Variants in DNAH11 observed in about 807,000 individuals in gnomAD.
The protein encoded by DNAH11 is dynein axonemal heavy chain 11, also known as axonemal beta dynein heavy chain 11.
A neutral mutation model predicts 526.0 loss-of-function variants in DNAH11; 442 were observed. The ratio of observed to expected loss-of-function variants is 0.84; its 90% CI spans 0.78 to 0.91. DNAH11 has a LOEUF of 0.91. DNAH11 is among the 40% of genes least tolerant of loss of function. DNAH11 has a pLI of 0.00. For synonymous variants in DNAH11, 2,461 were observed against 1,935.9 expected, an observed-to-expected ratio of 1.27 and a Z score of -7.12; for missense variants, 6,989 against 5,448.7, an observed-to-expected ratio of 1.28 and a Z score of -8.90.
intron 39 of DNAH11, 31 bp downstream of exon 39, chr7:21,705,568 A>G (rs1238717550): frequency 1.3e-5 from 21 of 1,601,188 alleles, no homozygotes; most frequent in East Asian, 2.2e-5. Context: ...GCTTACAGCT[A>G]TGGAAAGAAC....
At chr7:21,658,771 T>A (rs1301057912) in intron 29 of DNAH11, 27 bp from the exon 30 acceptor site, 1 of 1,525,998 alleles carries the variant, frequency 6.6e-7, no homozygotes. Context: ...TAAGCCTGTG[T>A]TATAACATTT....
intron 65 of DNAH11, among the ~76,000 whole-genome samples, chr7:21,834,823 A>C (rs1019658376): frequency 5.3e-5 from 8 of 152,076 alleles, no homozygotes; most frequent in African/African-American, 1.9e-4. Flanking sequence ...CCAGTCTAGC[A>C]CTCCAGCCTG....
chr7:21,791,260 G>A (rs1037393894), intron 61 of DNAH11, among the ~76,000 whole-genome samples: 2 of 152,222 alleles, frequency 1.3e-5, no homozygotes, highest in African/African-American at 4.8e-5. Context: ...GTGGCCATGT[G>A]TGATTTGGGG....
intron 65 of DNAH11, among the ~76,000 whole-genome samples, chr7:21,842,235 A>G (rs1281220076): frequency 2.0e-5 from 3 of 152,248 alleles, no homozygotes; most frequent in East Asian, 1.9e-4. Context: ...GACTTACTGT[A>G]TAATAATAAA....
At chr7:21,896,850 G>A (rs888724906) in intron 79 of DNAH11, among the ~76,000 whole-genome samples, 2 of 152,134 alleles carry the variant, frequency 1.3e-5, no homozygotes, top group African/African-American at 4.8e-5. Flanking sequence ...CTTGAGCCCA[G>A]GAGTTCGAAG....
At chr7:21,795,317 C>G (rs1413267236) in intron 61 of DNAH11, among the ~76,000 whole-genome samples, 1 of 152,144 alleles carries the variant, frequency 6.6e-6, no homozygotes, top group East Asian at 1.9e-4. Context: ...ATACTGAAAG[C>G]TATTTGGGAT....
At chr7:21,577,418 C>A (rs1351391744) in intron 8 of DNAH11, among the ~76,000 whole-genome samples, 2 of 152,122 alleles carry the variant, frequency 1.3e-5, no homozygotes, top group Non-Finnish European at 2.9e-5. Context: ...TGATTTTCAT[C>A]CCTGCTGGCC....
chr7:21,578,229 A>G (rs888350170), intron 8 of DNAH11, among the ~76,000 whole-genome samples: 1 of 152,232 alleles, frequency 6.6e-6, no homozygotes, highest in East Asian at 1.9e-4. Context: ...TAGTTATCCA[A>G]GATACAATGA....
chr7:21,786,315 T>TGTGA (rs1317019329), intron 58 of DNAH11, among the ~76,000 whole-genome samples: 1 of 151,670 alleles, frequency 6.6e-6, no homozygotes. Flanking sequence ...TGTGTGTGTG[T>TGTGA]GTGTGTGTGT....
Position 21,726,000 on chromosome 7 carries a change from A to G in DNAH11, c.7440+16A>G, listed in dbSNP as rs2128485674. On this transcript the variant is annotated intron_variant, in intron 45 of 81. Transcript: ENST00000409508. ...GCCTCTGCAGGTAGGTGTGTGGAAC[A>G]TAGCAATTGTATTAGTCTGTTTTCA... 4 of 1,529,836 alleles carry G rather than the reference A, an allele frequency of 2.6e-6. No homozygotes were observed. The highest frequency in any genetic ancestry group is 1.8e-6 in the Non-Finnish European group (2 of 1,137,786). 94.8% of individuals were successfully genotyped at this position (1,529,836 alleles called of 1,614,324 possible). A position where few individuals can be genotyped will look rare whatever the true frequency, so the allele number is the denominator to read the frequency against.
intron 45 of DNAH11, among the ~76,000 whole-genome samples, chr7:21,729,093 C>T (rs753182494): frequency 4.3e-4 from 65 of 152,186 alleles, no homozygotes; most frequent in Middle Eastern, 3.2e-3. Context: ...CCTTTCGGGC[C>T]GGCCAGTGGT....
chr7:21,832,865 C>A (rs780274271), intron 65 of DNAH11, among the ~76,000 whole-genome samples: 1 of 152,132 alleles, frequency 6.6e-6, no homozygotes, highest in Non-Finnish European at 1.5e-5. Context: ...CTCTCTGATC[C>A]TTTTACAGGA....
intron 80 of DNAH11, among the ~76,000 whole-genome samples, chr7:21,899,761 CA>C (rs1784681923): frequency 6.6e-6 from 1 of 152,194 alleles, no homozygotes. Flanking sequence ...AGACAATCCA[CA>C]AATGGCTGTG....
chr7:21,710,499 A>C, intron 40 of DNAH11, 54 bp from the exon 41 acceptor site: 3 of 1,471,218 alleles, frequency 2.0e-6, no homozygotes, highest in East Asian at 4.7e-5. Context: ...TTCCAAGATG[A>C]ATAATATCAA....
intron 63 of DNAH11, among the ~76,000 whole-genome samples, chr7:21,809,006 C>T (rs1261916445): frequency 6.6e-6 from 1 of 152,174 alleles, no homozygotes; most frequent in Non-Finnish European, 1.5e-5. Flanking sequence ...CAGCAGTATA[C>T]AAGCTTTCCC....
chr7:21,618,207 T>C (rs117939515), intron 23 of DNAH11: 708 of 153,852 alleles, frequency 4.6e-3, no homozygotes, highest in Non-Finnish European at 6.6e-3. Flanking sequence ...TCTCAGGACT[T>C]TCCAGATTTT....
At chr7:21,736,755 G>A (rs1226278147) in intron 46 of DNAH11, among the ~76,000 whole-genome samples, 1 of 152,186 alleles carries the variant, frequency 6.6e-6, no homozygotes, top group African/African-American at 2.4e-5. Context: ...TCAGGAGGCT[G>A]AGGTGGGAGG....
intron 28 of DNAH11, among the ~76,000 whole-genome samples, chr7:21,647,974 A>G (rs1202240901): frequency 6.6e-6 from 1 of 152,174 alleles, no homozygotes; most frequent in African/African-American, 2.4e-5. Context: ...AAAATTATGA[A>G]CACTGAAATG....
Position 21,663,455 on chromosome 7 carries a change from G to T in DNAH11, c.5328+4424G>T, listed in dbSNP as rs1221727095. Among the ~76,000 whole-genome samples the T allele has an allele frequency of 2.6e-5, 4 of 152,008 alleles. No homozygotes were observed. In the East Asian group the frequency reaches 7.7e-4, roughly 29 times the overall value. On this transcript the variant is annotated intron_variant, in intron 30 of 81. Transcript: ENST00000409508. ...ATATTCTCACGAAGAATGTATAAGA[G>T]TTCTTTTTTTTCCGCATCTTCACCA...
Sources: allele counts gnomAD v4.1 joint callset (sites outside exome capture counted in the v4.1 genomes callset), GRCh38; gene constraint gnomAD v4.1.1; transcripts MANE v1.5; gene names NCBI Gene and HGNC (gene_info 2026-07-23, HGNC 2026-07-21).